The following DPF3 variants were observed in gnomAD, a reference collection of about 807,000 sequenced individuals.
DPF3 encodes double PHD fingers 3.
Under a neutral mutation model 56.8 loss-of-function variants are expected in DPF3, and 18 were observed. The observed-to-expected ratio is 0.32, with a 90% CI of 0.22 to 0.47. The LOEUF is 0.47. Ranked by LOEUF, DPF3 falls within the 20% of genes least tolerant of loss-of-function variation. The pLI, the probability that DPF3 is intolerant of heterozygous loss-of-function variation, is 1.00. For missense variants in DPF3, 403 were observed against 488.8 expected (o/e 0.82, Z 1.65); for synonymous variants, 188 against 180.2 (o/e 1.04, Z -0.35).
rs562452916 is a variant in DPF3 at position 72,765,846 on chromosome 14, G to A, written c.193+5887C>T. ...GGAGAATGGCGTGAACCCAGGAGGC[G>A]GAGCTTGCAGTGAGCAGAGATTGCG... On this transcript the variant is annotated intron_variant, in intron 2 of 10. Coordinates refer to ENST00000556509, the MANE Select transcript of DPF3 (RefSeq NM_001280542.3). Among the ~76,000 whole-genome samples the A allele has an allele frequency of 2.0e-3, 305 of 152,204 alleles. 1 individual carries two copies. Among genetic ancestry groups the A allele is most frequent in the South Asian group, 0.011 (55 of 4,810 alleles).
intron 3 of DPF3, among the ~76,000 whole-genome samples, chr14:72,744,421 C>T (rs547116902): frequency 6.6e-6 from 1 of 152,036 alleles, no homozygotes; most frequent in East Asian, 1.9e-4. Flanking sequence ...CTACAGGTGC[C>T]CACCACCACA....
At chr14:72,713,279 T>C (rs1056671764) in intron 6 of DPF3, among the ~76,000 whole-genome samples, 1 of 151,996 alleles carries the variant, frequency 6.6e-6, no homozygotes, top group Non-Finnish European at 1.5e-5. Context: ...AGTCATGGAG[T>C]TTGAGTTCTT....
At chr14:72,704,711 A>C (rs1329328161) in intron 6 of DPF3, among the ~76,000 whole-genome samples, 1 of 152,164 alleles carries the variant, frequency 6.6e-6, no homozygotes. Context: ...AGGATATTCC[A>C]GTTAAGCTAC....
At chr14:72,839,437 A>G (rs1884456067) in intron 1 of DPF3, among the ~76,000 whole-genome samples, 1 of 152,114 alleles carries the variant, frequency 6.6e-6, no homozygotes, top group Non-Finnish European at 1.5e-5. Flanking sequence ...AGCCACAACT[A>G]TGAGTTCTTC....
At chr14:72,813,721 T>C (rs1345492551) in intron 1 of DPF3, among the ~76,000 whole-genome samples, 1 of 152,206 alleles carries the variant, frequency 6.6e-6, no homozygotes, top group Non-Finnish European at 1.5e-5. Flanking sequence ...ACTTAACCTT[T>C]ATGAATCTCA....
intron 1 of DPF3, chr14:72,773,739 C>T (rs1891639209): frequency 9.1e-6 from 4 of 437,432 alleles, no homozygotes; most frequent in Admixed American, 5.0e-5. Context: ...TTGTGACTGG[C>T]TTATTTGACT....
chr14:72,726,617 C>G (rs1460190316), intron 4 of DPF3, among the ~76,000 whole-genome samples: 1 of 152,166 alleles, frequency 6.6e-6, no homozygotes, highest in Non-Finnish European at 1.5e-5. Context: ...CCAGGAGTTT[C>G]TAACAAACAA....
intron 1 of DPF3, among the ~76,000 whole-genome samples, chr14:72,801,675 A>C (rs979925368): frequency 6.6e-6 from 1 of 152,168 alleles, no homozygotes; most frequent in Non-Finnish European, 1.5e-5. Flanking sequence ...TTCAGCTCTC[A>C]CTTTGCTCAG....
chr14:72,755,061 C>T (rs1890736646), intron 2 of DPF3, among the ~76,000 whole-genome samples: 1 of 152,204 alleles, frequency 6.6e-6, no homozygotes, highest in Admixed American at 6.5e-5. Flanking sequence ...AAGTGGAGGC[C>T]CAGGCCTGAG....
intron 1 of DPF3, among the ~76,000 whole-genome samples, chr14:72,833,569 A>G (rs1430162359): frequency 2.0e-5 from 3 of 148,284 alleles, no homozygotes; most frequent in Non-Finnish European, 4.5e-5. Flanking sequence ...ACTCTGGGGG[A>G]AAAAAAAAAT....
chr14:72,655,779 ATCT>A (rs1202340935), intron 8 of DPF3, among the ~76,000 whole-genome samples: 3 of 152,202 alleles, frequency 2.0e-5, no homozygotes, highest in Non-Finnish European at 4.4e-5. Context: ...CGTGAAACTA[ATCT>A]TCTCCACGTC....
chr14:72,849,135 T>C (rs142634001), intron 1 of DPF3, among the ~76,000 whole-genome samples: 1 of 152,344 alleles, frequency 6.6e-6, no homozygotes, highest in Non-Finnish European at 1.5e-5. Context: ...ACTTACTCTC[T>C]TCATAACCAA....
intron 7 of DPF3, among the ~76,000 whole-genome samples, chr14:72,677,145 G>A (rs1161541839): frequency 1.3e-5 from 2 of 152,220 alleles, no homozygotes; most frequent in African/African-American, 2.4e-5. Context: ...ATAGGCCCCG[G>A]TATGTGCAGG....
rs146339946 is a variant in DPF3 at position 72,619,809 on chromosome 14, A to G, written c.1066+94T>C. On this transcript the variant is annotated intron_variant, in intron 10 of 10. Coordinates refer to ENST00000556509, the MANE Select transcript of DPF3 (RefSeq NM_001280542.3). ...AGACAAGACATGAACATGTAAACCC[A>G]TTAGCATAAGGCCTGTACCATAGTG... 1.2e-4 allele frequency: 148 copies of G among 1,187,020 alleles called. No homozygotes were observed. In the African/African-American group the frequency reaches 1.6e-3, roughly 13 times the overall value. 73.5% of individuals were successfully genotyped at this position (1,187,020 alleles called of 1,614,324 possible). A position where few individuals can be genotyped will look rare whatever the true frequency, so the allele number is the denominator to read the frequency against.
chr14:72,831,981 G>A (rs1318434388), intron 1 of DPF3, among the ~76,000 whole-genome samples: 1 of 152,230 alleles, frequency 6.6e-6, no homozygotes, highest in Non-Finnish European at 1.5e-5. Context: ...ACTTTGGGAA[G>A]CCAAGGTGGG....
intron 2 of DPF3, among the ~76,000 whole-genome samples, chr14:72,764,815 A>T (rs1411175007): frequency 6.6e-6 from 1 of 152,140 alleles, no homozygotes; most frequent in East Asian, 1.9e-4. Context: ...CCAGCAAATG[A>T]TCAAACATGA....
intron 1 of DPF3, among the ~76,000 whole-genome samples, chr14:72,808,978 T>C (rs1599460909): frequency 3.3e-5 from 5 of 152,332 alleles, no homozygotes; most frequent in Admixed American, 3.3e-4. Context: ...CTAGACAAGA[T>C]TAACTTGGCA....
intron 8 of DPF3, among the ~76,000 whole-genome samples, chr14:72,630,854 G>C (rs1368791609): frequency 6.6e-6 from 1 of 152,134 alleles, no homozygotes; most frequent in South Asian, 2.1e-4. Context: ...TCTTTCATTT[G>C]AAGGATTATA....
intron 1 of DPF3, among the ~76,000 whole-genome samples, chr14:72,803,585 A>T (rs1184971726): frequency 6.6e-6 from 1 of 152,236 alleles, no homozygotes; most frequent in Non-Finnish European, 1.5e-5. Flanking sequence ...CACATGGACA[A>T]AACAGTACTT....
Sources: allele counts gnomAD v4.1 joint callset (sites outside exome capture counted in the v4.1 genomes callset), GRCh38; gene constraint gnomAD v4.1.1; transcripts MANE v1.5; gene names NCBI Gene and HGNC (gene_info 2026-07-23, HGNC 2026-07-21).